Variants in WDR7 observed in about 807,000 individuals in gnomAD.
WDR7 encodes WD repeat-containing protein 7.
A neutral mutation model predicts 169.4 loss-of-function variants in WDR7; 46 were observed. The ratio of observed to expected loss-of-function variants is 0.27; its 90% CI spans 0.21 to 0.35. The LOEUF is 0.35. WDR7 is among the 10% of genes least tolerant of loss of function. The pLI, the probability that WDR7 is intolerant of heterozygous loss-of-function variation, is 1.00. For missense variants in WDR7, 1,534 were observed against 1,859.3 expected (o/e 0.83, Z 3.22); for synonymous variants, 612 against 666.8 (o/e 0.92, Z 1.27).
chr18:56,745,003 C>T (rs2430895), intron 14 of WDR7, among the ~76,000 whole-genome samples: 15,011 of 152,178 alleles, frequency 0.099, 877 homozygotes, highest in Non-Finnish European at 0.13. Context: ...TGGTGGTGCA[C>T]TTTCCTGGTC....
chr18:56,873,030 T>G (rs567023386), intron 20 of WDR7, among the ~76,000 whole-genome samples: 39 of 152,310 alleles, frequency 2.6e-4, no homozygotes, highest in African/African-American at 8.9e-4. Context: ...GAAATTGCTG[T>G]GTTATTTTTA....
intron 1 of WDR7, among the ~76,000 whole-genome samples, chr18:56,652,241 G>A (rs1346259603): frequency 6.6e-6 from 1 of 152,180 alleles, no homozygotes; most frequent in Non-Finnish European, 1.5e-5. Context: ...TAGATAGTCT[G>A]AAACTAGGGA....
At chr18:56,913,321 AAAC>A (rs1369577929) in intron 21 of WDR7, among the ~76,000 whole-genome samples, 2 of 152,130 alleles carry the variant, frequency 1.3e-5, no homozygotes, top group Non-Finnish European at 2.9e-5. Flanking sequence ...CCTTGCTTCA[AAAC>A]AACAAGAGGA....
chr18:56,832,146 T>C (rs139025705), intron 20 of WDR7, among the ~76,000 whole-genome samples: 222 of 152,232 alleles, frequency 1.5e-3, no homozygotes, highest in African/African-American at 5.0e-3. Flanking sequence ...ATGCTTGAGC[T>C]TGGTGGGGGC....
chr18:56,914,431 TG>T (rs901996783), intron 21 of WDR7, among the ~76,000 whole-genome samples: 1 of 152,204 alleles, frequency 6.6e-6, no homozygotes, highest in African/African-American at 2.4e-5. Context: ...AAATAGGGCC[TG>T]GTACACAGCA....
chr18:56,832,788 T>C (rs1385720675), intron 20 of WDR7, among the ~76,000 whole-genome samples: 1 of 151,876 alleles, frequency 6.6e-6, no homozygotes, highest in Non-Finnish European at 1.5e-5. Context: ...AGGAATAGCA[T>C]CAACATCAAC....
intron 21 of WDR7, among the ~76,000 whole-genome samples, chr18:56,892,438 T>A (rs137909766): frequency 1.3e-5 from 2 of 152,264 alleles, no homozygotes; most frequent in South Asian, 4.1e-4. Context: ...TTCAGCTTCA[T>A]ATACTTGTGT....
chr18:57,014,217 TCGGG>T (rs751550142), intron 26 of WDR7, among the ~76,000 whole-genome samples: 3 of 150,930 alleles, frequency 2.0e-5, no homozygotes, highest in Non-Finnish European at 4.4e-5. Flanking sequence ...TCCCAGCTAC[TCGGG>T]AGGCTGAGGC....
intron 7 of WDR7, among the ~76,000 whole-genome samples, chr18:56,690,651 C>G (rs192831540): frequency 6.6e-6 from 1 of 151,784 alleles, no homozygotes; most frequent in African/African-American, 2.4e-5. Context: ...CCTGTCTCTA[C>G]AAGAAATAAG....
intron 26 of WDR7, among the ~76,000 whole-genome samples, chr18:56,989,205 G>A (rs1012445324): frequency 2.0e-5 from 3 of 151,972 alleles, no homozygotes; most frequent in Non-Finnish European, 2.9e-5. Flanking sequence ...AAAATATTCT[G>A]TGTCTGTACT....
chr18:56,730,625 G>T (rs1243513001), intron 13 of WDR7, among the ~76,000 whole-genome samples: 1 of 152,094 alleles, frequency 6.6e-6, no homozygotes. Context: ...AATTAGCCGG[G>T]CGTGATGGCG....
At chr18:56,777,104 T>C (rs1467668683) in intron 17 of WDR7, among the ~76,000 whole-genome samples, 1 of 152,226 alleles carries the variant, frequency 6.6e-6, no homozygotes, top group African/African-American at 2.4e-5. Flanking sequence ...TAGACTACTG[T>C]TAAGTGCAGA....
intron 7 of WDR7, among the ~76,000 whole-genome samples, chr18:56,690,163 G>A (rs2025533538): frequency 6.6e-6 from 1 of 152,048 alleles, no homozygotes; most frequent in Non-Finnish European, 1.5e-5. Context: ...TTTTAGCTTT[G>A]GCTCTATCAC....
chr18:56,960,608 G>A (rs963474165), intron 25 of WDR7, among the ~76,000 whole-genome samples: 1 of 152,162 alleles, frequency 6.6e-6, no homozygotes, highest in Admixed American at 6.6e-5. Flanking sequence ...AGATATAGAT[G>A]TAGATGTAGG....
At position 56,703,420 on chromosome 18, in the gene WDR7, T is replaced by A. The variant is rs577659942; in HGVS notation, c.1578+6958T>A. On this transcript the variant is annotated intron_variant, in intron 12 of 27. Coordinates refer to ENST00000254442, the MANE Select transcript of WDR7 (RefSeq NM_015285.3). ...TTTTGTTATTAATTTAATTTGAATA[T>A]TGCATTTAAAAAGCAATGTCTATAC... Among the ~76,000 whole-genome samples the A allele has an allele frequency of 7.9e-5, 12 of 152,334 alleles. 1 individual carries two copies. The South Asian group carries it at 2.3e-3, about 29-fold the overall frequency.
intron 13 of WDR7, among the ~76,000 whole-genome samples, chr18:56,724,399 G>T (rs1448466010): frequency 3.3e-5 from 5 of 151,158 alleles, no homozygotes; most frequent in African/African-American, 1.2e-4. Flanking sequence ...TAGTAGAGAT[G>T]GGGGGTTTCA....
intron 14 of WDR7, among the ~76,000 whole-genome samples, chr18:56,746,589 T>C (rs1445053944): frequency 6.6e-6 from 1 of 152,206 alleles, no homozygotes; most frequent in East Asian, 1.9e-4. Context: ...CCTCTGTCCC[T>C]GCAAAGGCTA....
chr18:57,016,709 C>CTG lies in WDR7; in HGVS notation c.4165-4035_4165-4034insGT, dbSNP rs148835797. 8.2e-3 allele frequency among the ~76,000 whole-genome samples: 1,253 copies of CTG among 152,246 alleles called. 15 individuals carry two copies. Among genetic ancestry groups the CTG allele is most frequent in the African/African-American group, 0.029 (1,192 of 41,558 alleles). The stretch of plus-strand genomic sequence containing the variant: ...GCACATTGAAAATGTGTGTTAAAAA[C>CTG]TTGGGTACATTAAGTATTGTTCATT... On this transcript the variant is annotated intron_variant, in intron 26 of 27. Transcript: ENST00000254442.
At chr18:56,685,359 T>C (rs1220499353) in intron 5 of WDR7, among the ~76,000 whole-genome samples, 1 of 152,228 alleles carries the variant, frequency 6.6e-6, no homozygotes, top group East Asian at 1.9e-4. Context: ...AATGTGATTT[T>C]GCTTTTAACA....
Sources: allele counts gnomAD v4.1 joint callset (sites outside exome capture counted in the v4.1 genomes callset), GRCh38; gene constraint gnomAD v4.1.1; transcripts MANE v1.5; gene names NCBI Gene and HGNC (gene_info 2026-07-23, HGNC 2026-07-21).